The following GPHN variants were observed in gnomAD, a reference collection of about 807,000 sequenced individuals.
GPHN encodes gephyrin.
A neutral mutation model predicts 95.5 loss-of-function variants in GPHN; 17 were observed. The ratio of observed to expected loss-of-function variants is 0.18; its 90% CI spans 0.12 to 0.27. The LOEUF is 0.27. Among genes scored for constraint, GPHN ranks in the 10% least tolerant of loss-of-function variants. The probability of loss-of-function intolerance (pLI) is 1.00; values close to 1 mark genes in which losing one functional copy is unlikely to be tolerated. For synonymous variants in GPHN, 320 were observed against 322.5 expected, an observed-to-expected ratio of 0.99 and a Z score of 0.08; for missense variants, 660 against 978.1, an observed-to-expected ratio of 0.67 and a Z score of 4.34.
intron 11 of GPHN, among the ~76,000 whole-genome samples, chr14:67,088,605 G>A (rs973542231): frequency 1.3e-5 from 2 of 152,012 alleles, no homozygotes; most frequent in African/African-American, 2.4e-5. Context: ...ATTTTCCTAC[G>A]ATAGATTTCT....
the GPHN span, chr14:67,727,490 T>TTTTTTTTTTTTTG: frequency 2.8e-6 from 1 of 352,572 alleles, no homozygotes; most frequent in Non-Finnish European, 5.4e-6. Flanking sequence ...TTTTTGTTTT[T>TTTTTTTTTTTTTG]TTTTTTTTGA....
chr14:67,217,070 T>G, the GPHN span, among the ~76,000 whole-genome samples: 2 of 152,198 alleles, frequency 1.3e-5, no homozygotes, highest in Non-Finnish European at 2.9e-5. Context: ...AATATTTGCT[T>G]TATAAATCTG....
At chr14:66,699,781 T>C (rs1330543468) in intron 2 of GPHN, among the ~76,000 whole-genome samples, 1 of 152,194 alleles carries the variant, frequency 6.6e-6, no homozygotes, top group Non-Finnish European at 1.5e-5. Context: ...AAGAAACATC[T>C]ATGCCAGACA....
intron 3 of GPHN, among the ~76,000 whole-genome samples, chr14:66,821,136 C>G (rs1215851028): frequency 1.3e-5 from 2 of 152,124 alleles, no homozygotes. Context: ...GTGGATCTAA[C>G]AGGTGCAGAA....
the GPHN span, among the ~76,000 whole-genome samples, chr14:67,607,657 G>A: frequency 4.6e-5 from 7 of 152,200 alleles, no homozygotes; most frequent in South Asian, 2.1e-4. Context: ...GAGCCACCAC[G>A]CCCGGCCTGG....
At chr14:66,703,478 G>A (rs945995480) in intron 2 of GPHN, among the ~76,000 whole-genome samples, 8 of 152,138 alleles carry the variant, frequency 5.3e-5, no homozygotes, top group Non-Finnish European at 1.2e-4. Flanking sequence ...GAAGAGATTG[G>A]GGGCCAATAT....
intron 10 of GPHN, among the ~76,000 whole-genome samples, chr14:67,052,579 AC>A (rs57904841): frequency 0.24 from 36,233 of 151,982 alleles, 8,562 homozygotes; most frequent in African/African-American, 0.58. Context: ...CCCAAACTCA[AC>A]TCTGGATCAA....
At chr14:67,661,118 G>T in the GPHN span, among the ~76,000 whole-genome samples, 1 of 151,978 alleles carries the variant, frequency 6.6e-6, no homozygotes, top group African/African-American at 2.4e-5. Context: ...GGCCAAAAGA[G>T]AATTTTTTCT....
At chr14:67,194,965 A>G in the GPHN span, among the ~76,000 whole-genome samples, 1 of 152,160 alleles carries the variant, frequency 6.6e-6, no homozygotes, top group Non-Finnish European at 1.5e-5. Flanking sequence ...TCTCAGCCTC[A>G]AAGTGCTAAG....
intron 12 of GPHN, among the ~76,000 whole-genome samples, chr14:67,100,482 C>T (rs1473274129): frequency 6.6e-6 from 1 of 152,130 alleles, no homozygotes; most frequent in Non-Finnish European, 1.5e-5. Flanking sequence ...TGAGTGTACA[C>T]ACACACATCA....
chr14:67,290,758 C>T, the GPHN span, among the ~76,000 whole-genome samples: 1 of 151,994 alleles, frequency 6.6e-6, no homozygotes, highest in Non-Finnish European at 1.5e-5. Flanking sequence ...TGGTCTCCAC[C>T]TCCTGGACTC....
chr14:66,792,859 A>G (rs967054378), intron 3 of GPHN, among the ~76,000 whole-genome samples: 3 of 152,246 alleles, frequency 2.0e-5, no homozygotes, highest in African/African-American at 7.2e-5. Context: ...AGTCATTAGC[A>G]TTGTTTCTAT....
At chr14:67,340,997 G>A in the GPHN span, among the ~76,000 whole-genome samples, 3 of 152,240 alleles carry the variant, frequency 2.0e-5, no homozygotes, top group Non-Finnish European at 2.9e-5. Context: ...CCAGGCTGGA[G>A]TGCAGTGGCG....
intron 1 of GPHN, among the ~76,000 whole-genome samples, chr14:66,560,878 T>A (rs944459542): frequency 1.3e-5 from 2 of 152,200 alleles, no homozygotes; most frequent in African/African-American, 4.8e-5. Context: ...AGCTGTGGGT[T>A]TGTCATAGAT....
chr14:67,302,213 T>G, the GPHN span: 1 of 1,337,362 alleles, frequency 7.5e-7, no homozygotes, highest in Non-Finnish European at 9.9e-7. Flanking sequence ...ATGAATAGAG[T>G]ATTTCTGAAG....
chr14:66,782,274 A>G (rs1414410040), intron 3 of GPHN, among the ~76,000 whole-genome samples: 1 of 152,016 alleles, frequency 6.6e-6, no homozygotes. Context: ...CCATTAATCT[A>G]TTTATTCTTT....
At chr14:67,725,340 C>A in the GPHN span, 2 of 1,370,892 alleles carry the variant, frequency 1.5e-6, no homozygotes, top group South Asian at 1.2e-5. Flanking sequence ...GCCCTTACAT[C>A]AGAACCATCA....
intron 1 of GPHN, among the ~76,000 whole-genome samples, chr14:66,665,693 G>A (rs1002290890): frequency 3.9e-5 from 6 of 152,168 alleles, no homozygotes; most frequent in African/African-American, 9.6e-5. Context: ...ACAGTGTGGC[G>A]ATTCCTCAGG....
the GPHN span, among the ~76,000 whole-genome samples, chr14:67,466,708 C>G: frequency 6.6e-6 from 1 of 152,154 alleles, no homozygotes; most frequent in Admixed American, 6.5e-5. Context: ...AGATTCCAGC[C>G]TGGGCCAGGC....
Sources: gnomAD v4.1 joint callset for allele counts (sites outside exome capture counted in the v4.1 genomes callset) on GRCh38, gnomAD v4.1.1 for gene constraint, MANE v1.5 for transcripts, NCBI Gene and HGNC (gene_info 2026-07-23, HGNC 2026-07-21) for gene names.